The following SLC2A2 variants were observed in gnomAD, a reference collection of about 807,000 sequenced individuals.
The protein encoded by SLC2A2 is solute carrier family 2, facilitated glucose transporter member 2.
In SLC2A2, 36 loss-of-function variants were observed where a neutral mutation model predicts 54.5. That is an observed-to-expected ratio of 0.66 (90% confidence interval 0.51 to 0.87). The LOEUF (loss-of-function observed/expected upper bound fraction) is 0.87. Ranked by LOEUF, SLC2A2 falls within the 40% of genes least tolerant of loss-of-function variation. The pLI, the probability that SLC2A2 is intolerant of heterozygous loss-of-function variation, is 0.00. For synonymous variants in SLC2A2, 223 were observed against 219.1 expected, an observed-to-expected ratio of 1.02 and a Z score of -0.16; for missense variants, 543 against 624.3, an observed-to-expected ratio of 0.87 and a Z score of 1.39.
rs1715664297 is a variant in SLC2A2, at chr3:171,007,374, C to G, written c.497-111G>C. The G allele has an allele frequency of 9.8e-6, 7 of 716,660 alleles. No individual in the cohort carries two copies. The East Asian group carries it at 1.9e-4, about 19-fold the overall frequency. 44.4% of individuals were successfully genotyped at this position (716,660 alleles called of 1,614,324 possible). Reference sequence around the variant, plus strand: ...GAATGAAAGCCCCTCCCTGAATTCACTGGAAGGATGAACCCTTGTTCCTAG... The same window carrying G: ...GAATGAAAGCCCCTCCCTGAATTCAGTGGAAGGATGAACCCTTGTTCCTAG... On this transcript the variant is annotated intron_variant, in intron 4 of 10. Transcript: ENST00000314251.
chr3:171,022,026 T>C (rs1297158458), intron 1 of SLC2A2, among the ~76,000 whole-genome samples: 1 of 152,202 alleles, frequency 6.6e-6, no homozygotes, highest in Non-Finnish European at 1.5e-5. Context: ...ATCTCATCTG[T>C]AAAGTCTTTT....
At chr3:171,020,608 C>T (rs1716413433) in intron 1 of SLC2A2, among the ~76,000 whole-genome samples, 1 of 152,024 alleles carries the variant, frequency 6.6e-6, no homozygotes. Flanking sequence ...ATTGGCCAGG[C>T]ATAGTGGCTC....
chr3:171,017,976 G>A (rs747325442), intron 2 of SLC2A2, among the ~76,000 whole-genome samples: 3 of 152,172 alleles, frequency 2.0e-5, no homozygotes, highest in Non-Finnish European at 2.9e-5. Context: ...ACCTATGGGA[G>A]ACAGGAATGG....
Position 171,016,571 on chromosome 3 carries a change from T to C in SLC2A2, c.109-1840A>G, listed in dbSNP as rs560016760. Among the ~76,000 whole-genome samples, 9 of 152,328 alleles carry C rather than the reference T, an allele frequency of 5.9e-5. No individual in the cohort carries two copies. The East Asian group carries it at 1.5e-3, about 26-fold the overall frequency. On this transcript the variant is annotated intron_variant, in intron 2 of 10. Transcript: ENST00000314251. ...TAATACTGTCTTCAGTAGGCATGTG[T>C]AATTTTCATAACCATATGAAAGTGT...
chr3:171,026,056 G>A (rs952343785), intron 1 of SLC2A2, among the ~76,000 whole-genome samples: 1 of 152,014 alleles, frequency 6.6e-6, no homozygotes, highest in Non-Finnish European at 1.5e-5. Context: ...AAATACTTTA[G>A]CATGTACAAA....
At chr3:171,000,432 G>A (rs1391186998) in intron 8 of SLC2A2, among the ~76,000 whole-genome samples, 1 of 152,010 alleles carries the variant, frequency 6.6e-6, no homozygotes. Context: ...AATTGAGTTG[G>A]CCTCTGTCCC....
intron 4 of SLC2A2, among the ~76,000 whole-genome samples, chr3:171,007,902 G>A (rs561096558): frequency 4.6e-5 from 7 of 152,130 alleles, no homozygotes; most frequent in East Asian, 1.9e-4. Context: ...ATTAGGCTTC[G>A]AAAAAATTTT....
intron 8 of SLC2A2, among the ~76,000 whole-genome samples, chr3:171,001,986 C>G (rs1221496958): frequency 6.6e-6 from 1 of 151,734 alleles, no homozygotes; most frequent in Non-Finnish European, 1.5e-5. Flanking sequence ...CTCATAATCT[C>G]ACACATACTC....
chr3:171,015,208 C>T (rs998553311), intron 2 of SLC2A2, among the ~76,000 whole-genome samples: 8 of 152,130 alleles, frequency 5.3e-5, no homozygotes, highest in African/African-American at 1.9e-4. Context: ...GTGGCTCACA[C>T]CTATAATCTC....
intron 1 of SLC2A2, among the ~76,000 whole-genome samples, chr3:171,023,498 G>A (rs1025854852): frequency 2.0e-5 from 3 of 152,156 alleles, no homozygotes; most frequent in African/African-American, 7.2e-5. Context: ...TTGGTCAAAG[G>A]AGGTTTTGTT....
intron 8 of SLC2A2, 86 bp from the exon 9 acceptor site, chr3:170,999,252 G>A: frequency 1.1e-6 from 1 of 897,754 alleles, no homozygotes; most frequent in Non-Finnish European, 1.9e-6. Flanking sequence ...TGCCAAAGAG[G>A]TCATTTTAAT....
At chr3:171,026,265 TTAATCTAGAGAAC>T (rs900636373) in intron 1 of SLC2A2, among the ~76,000 whole-genome samples, 4 of 152,154 alleles carry the variant, frequency 2.6e-5, no homozygotes, top group African/African-American at 7.2e-5. Flanking sequence ...TTAATCCCTT[TTAATCTAGAGAAC>T]AACCCTTCTA....
Position 171,018,520 on chromosome 3 carries a change from A to AT in SLC2A2, c.108+10dup. 1 of 1,583,410 alleles carries AT rather than the reference A, an allele frequency of 6.3e-7. No individual in the cohort carries two copies. The highest frequency in any genetic ancestry group is 1.1e-5 in the South Asian group (1 of 90,464). On this transcript the variant is annotated intron_variant, in intron 2 of 10. Transcript: ENST00000314251. ...CTTGCCAAAAAGAGAACTTCTACAT[A>AT]TTTCACTTGCCTGTTGAGGTGCATT... is the stretch of plus-strand genomic sequence containing the variant.
intron 1 of SLC2A2, among the ~76,000 whole-genome samples, chr3:171,023,417 C>T (rs1261499816): frequency 1.3e-5 from 2 of 152,142 alleles, no homozygotes; most frequent in East Asian, 1.9e-4. Flanking sequence ...TTCATCTTTT[C>T]TTTCTCCAAT....
Position 170,997,182 on chromosome 3 carries a change from A to G in SLC2A2, c.*721T>C, listed in dbSNP as rs1487824365. Reference sequence around the variant, plus strand: ...TTAATGTTAACTGATAACCCACGCTATATGATCAGGTGAAACCTTTTTAGT... The same window carrying G: ...TTAATGTTAACTGATAACCCACGCTGTATGATCAGGTGAAACCTTTTTAGT... On this transcript the variant is annotated 3_prime_UTR_variant, in exon 11 of 11. Transcript: ENST00000314251. 1 of 152,288 alleles carries G rather than the reference A, an allele frequency of 6.6e-6. No individual in the cohort carries two copies. The highest frequency in any genetic ancestry group is 1.5e-5 in the Non-Finnish European group (1 of 68,124). The allele number at this position is 152,288 out of a possible 1,614,324, so 9.4% of individuals were successfully genotyped here. A position where few individuals can be genotyped will look rare whatever the true frequency, so the allele number is the denominator to read the frequency against.
chr3:171,006,316 C>G (rs1715602802), intron 5 of SLC2A2, among the ~76,000 whole-genome samples: 1 of 149,130 alleles, frequency 6.7e-6, no homozygotes, highest in Non-Finnish European at 1.5e-5. Flanking sequence ...TTTTATCTCA[C>G]TTTAACTAAA....
At chr3:171,023,938 T>G (rs1430324630) in intron 1 of SLC2A2, among the ~76,000 whole-genome samples, 1 of 152,206 alleles carries the variant, frequency 6.6e-6, no homozygotes, top group Non-Finnish European at 1.5e-5. Context: ...TAAAATATGC[T>G]GCTGGATAAA....
chr3:171,007,209 A>G lies in SLC2A2; in HGVS notation c.551T>C (p.Leu184Pro). The change falls in exon 5 of 11, where the codon CTC (leucine) becomes CCC (proline). Residue 184 changes from leucine to proline, a missense_variant. Transcript: ENST00000314251. The part of the protein sequence containing the change: ...MYIGEIAPTA[L>P]RGALGTFHQL... ...ATGAAAAGTGCCAAGTGCTCCCCTG[A>G]GAGCGGTTGGAGCAATTTCACCGAT... The G allele has an allele frequency of 1.2e-6, 2 of 1,612,854 alleles. No individual in the cohort carries two copies. Among genetic ancestry groups the G allele is most frequent in the Non-Finnish European group, 1.7e-6 (2 of 1,179,196 alleles).
intron 6 of SLC2A2, 41 bp downstream of exon 6, chr3:171,005,902 C>T: frequency 6.3e-7 from 1 of 1,585,936 alleles, no homozygotes; most frequent in South Asian, 1.1e-5. Flanking sequence ...GCTGATAATG[C>T]CAAAACAATA....
Sources: gnomAD v4.1 joint callset for allele counts (sites outside exome capture counted in the v4.1 genomes callset) on GRCh38, gnomAD v4.1.1 for gene constraint, MANE v1.5 for transcripts, NCBI Gene and HGNC (gene_info 2026-07-23, HGNC 2026-07-21) for gene names.